The following CPAMD8 variants were observed in gnomAD, a reference collection of about 807,000 sequenced individuals.
CPAMD8 encodes C3 and PZP like alpha-2-macroglobulin domain containing 8.
In CPAMD8, 146 loss-of-function variants were observed where a neutral mutation model predicts 224.7. The observed-to-expected ratio is 0.65, with a 90% CI of 0.57 to 0.75. The LOEUF (loss-of-function observed/expected upper bound fraction) is 0.75. CPAMD8 is among the 30% of genes least tolerant of loss of function. The pLI is 0.00. For missense variants in CPAMD8, 2,301 were observed against 2,537.5 expected, an observed-to-expected ratio of 0.91 and a Z score of 2.00; for synonymous variants, 966 against 1,044.6, an observed-to-expected ratio of 0.92 and a Z score of 1.45.
rs2054323367 is a variant in CPAMD8, at chr19:16,952,263, A to C, written c.2277-63T>G. 4.2e-6 allele frequency: 4 copies of C among 947,598 alleles called. 1 individual carries two copies. The South Asian group carries it at 5.6e-5, about 13-fold the overall frequency. 58.7% of individuals were successfully genotyped at this position (947,598 alleles called of 1,614,324 possible). A position where few individuals can be genotyped will look rare whatever the true frequency, so the allele number is the denominator to read the frequency against. ...TCCAGGGCCATGCCTCAGGGGGGCC[A>C]GTGGGCATGGATGACCCAGGCTGCA... On this transcript the variant is annotated intron_variant, in intron 19 of 41. Transcript: ENST00000443236.
intron 7 of CPAMD8, among the ~76,000 whole-genome samples, chr19:17,005,757 T>C (rs963616177): frequency 3.3e-5 from 5 of 152,014 alleles, no homozygotes; most frequent in South Asian, 2.1e-4. Flanking sequence ...CTCAATCACA[T>C]TGGAGTCAGA....
At chr19:17,014,590 G>A (rs1200685194) in intron 3 of CPAMD8, among the ~76,000 whole-genome samples, 1 of 152,188 alleles carries the variant, frequency 6.6e-6, no homozygotes, top group Non-Finnish European at 1.5e-5. Context: ...GGCGAAAGGT[G>A]AAAGGCACGT....
chr19:16,894,408 G>GGCA (rs1275597257), intron 41 of CPAMD8: 1 of 456,686 alleles, frequency 2.2e-6, no homozygotes, highest in East Asian at 6.9e-5. Context: ...CTCTCAGCAG[G>GGCA]GCAGCCGTTA....
intron 17 of CPAMD8, among the ~76,000 whole-genome samples, chr19:16,973,269 G>A (rs1418802714): frequency 6.6e-6 from 1 of 152,130 alleles, no homozygotes; most frequent in Admixed American, 6.5e-5. Context: ...TGTCTAATTC[G>A]CTCAACTTTT....
At chr19:16,954,674 G>T (rs773429514) in intron 19 of CPAMD8, among the ~76,000 whole-genome samples, 9 of 152,172 alleles carry the variant, frequency 5.9e-5, no homozygotes, top group Non-Finnish European at 1.2e-4. Context: ...CCATGCAATA[G>T]GATATTATTC....
At chr19:16,923,976 A>C (rs573363328) in intron 26 of CPAMD8, among the ~76,000 whole-genome samples, 219 of 152,048 alleles carry the variant, frequency 1.4e-3, no homozygotes, top group African/African-American at 4.7e-3. Context: ...AAAAAAGAAA[A>C]GAAAGGGAAT....
intron 23 of CPAMD8, among the ~76,000 whole-genome samples, chr19:16,931,212 C>T (rs1483744935): frequency 2.0e-5 from 3 of 152,182 alleles, no homozygotes; most frequent in Admixed American, 6.5e-5. Context: ...TAGCCAGCAA[C>T]TGCACACACC....
intron 30 of CPAMD8, among the ~76,000 whole-genome samples, chr19:16,906,610 GC>G (rs2052528814): frequency 6.6e-6 from 1 of 151,552 alleles, no homozygotes; most frequent in Admixed American, 6.6e-5. Flanking sequence ...CACCATATTG[GC>G]CCGGCTGGTC....
chr19:16,926,847 C>A (rs934044621), intron 25 of CPAMD8, among the ~76,000 whole-genome samples: 1 of 152,182 alleles, frequency 6.6e-6, no homozygotes, highest in Non-Finnish European at 1.5e-5. Flanking sequence ...AGTCACTCAG[C>A]CCCACATCCA....
intron 22 of CPAMD8, among the ~76,000 whole-genome samples, chr19:16,941,982 C>G (rs2053910698): frequency 6.6e-6 from 1 of 151,168 alleles, no homozygotes; most frequent in Admixed American, 6.6e-5. Context: ...AAAACAACAA[C>G]AAGAACAACA....
intron 10 of CPAMD8, among the ~76,000 whole-genome samples, chr19:16,998,433 C>T (rs1355049899): frequency 1.3e-5 from 2 of 152,134 alleles, no homozygotes; most frequent in African/African-American, 2.4e-5. Flanking sequence ...GCACTCCAGC[C>T]TGGGAGACAG....
intron 21 of CPAMD8, 132 bp downstream of exon 21, chr19:16,946,942 G>T: frequency 1.1e-6 from 1 of 919,888 alleles, no homozygotes; most frequent in Non-Finnish European, 1.6e-6. Context: ...CCCAGTTGCT[G>T]TCCCATTTTC....
intron 18 of CPAMD8, among the ~76,000 whole-genome samples, chr19:16,969,456 T>C (rs983976721): frequency 6.6e-6 from 1 of 152,150 alleles, no homozygotes; most frequent in African/African-American, 2.4e-5. Flanking sequence ...ATGGACTCAA[T>C]GTTTGCATCC....
intron 20 of CPAMD8, 78 bp downstream of exon 20, chr19:16,951,891 C>T: frequency 1.1e-6 from 1 of 918,906 alleles, no homozygotes; most frequent in Non-Finnish European, 1.7e-6. Flanking sequence ...TGTCCCACCC[C>T]TGCCTACCTT....
intron 18 of CPAMD8, among the ~76,000 whole-genome samples, chr19:16,963,886 C>CACTCAAA (rs1327077495): frequency 1.5e-4 from 23 of 152,144 alleles, no homozygotes; most frequent in African/African-American, 5.6e-4. Context: ...TTAAGAAACT[C>CACTCAAA]ACTCAAAACC....
At chr19:16,967,439 C>T (rs1379591398) in intron 18 of CPAMD8, among the ~76,000 whole-genome samples, 1 of 151,988 alleles carries the variant, frequency 6.6e-6, no homozygotes, top group African/African-American at 2.4e-5. Context: ...GTATACCTAT[C>T]AAACTTGCAC....
At position 16,945,573 on chromosome 19, in the gene CPAMD8, G is replaced by C; in HGVS notation, c.2769C>G (p.His923Gln). 6.2e-7 allele frequency: 1 copy of C among 1,614,130 alleles called. No individual in the cohort carries two copies. The highest frequency in any genetic ancestry group is 8.5e-7 in the Non-Finnish European group (1 of 1,179,976). ...ADRRVPIGVD[H>Q]VRRSVMVEAE... Reference sequence around the variant, plus strand: ...CCTCAACCATCACACTGCGCCTGACGTGATCCACCCCGATGGGGACCCTCC... The same window carrying C: ...CCTCAACCATCACACTGCGCCTGACCTGATCCACCCCGATGGGGACCCTCC... The change falls in exon 22 of 42, where the codon CAC becomes CAG. Residue 923 changes from histidine (H) to glutamine (Q), a missense_variant. Physicochemically the swap from His to Gln is conservative, Grantham distance 24. Transcript: ENST00000443236.
intron 7 of CPAMD8, among the ~76,000 whole-genome samples, chr19:17,004,895 A>G (rs2123072758): frequency 6.6e-6 from 1 of 152,082 alleles, no homozygotes; most frequent in East Asian, 1.9e-4. Flanking sequence ...TCCCCCAGAT[A>G]CTGCCAATAT....
At chr19:16,955,882 G>A (rs1001298793) in intron 19 of CPAMD8, among the ~76,000 whole-genome samples, 5 of 151,810 alleles carry the variant, frequency 3.3e-5, no homozygotes, top group African/African-American at 1.2e-4. Flanking sequence ...TTGCTATGTT[G>A]CCCAGGCTGG....
Sources: allele counts gnomAD v4.1 joint callset (sites outside exome capture counted in the v4.1 genomes callset), GRCh38; gene constraint gnomAD v4.1.1; transcripts MANE v1.5; gene names NCBI Gene and HGNC (gene_info 2026-07-23, HGNC 2026-07-21).